Variants in ELOB observed in about 807,000 individuals in gnomAD.
The protein encoded by ELOB is elongin B.
In ELOB, 3 loss-of-function variants were observed where a neutral mutation model predicts 12.9. That is an observed-to-expected ratio of 0.23 (90% CI 0.11 to 0.60). The LOEUF is 0.60. Ranked by LOEUF, ELOB falls within the 20% of genes least tolerant of loss-of-function variation. The probability of loss-of-function intolerance (pLI) is 0.89; values close to 1 mark genes in which losing one functional copy is unlikely to be tolerated. For synonymous variants in ELOB, 84 were observed against 67.4 expected (o/e 1.25, Z -1.21); for missense variants, 126 against 159.2 (o/e 0.79, Z 1.12).
chr16:2,773,921 C>G (rs2068784097), intron 3 of ELOB, among the ~76,000 whole-genome samples: 1 of 152,310 alleles, frequency 6.6e-6, no homozygotes, highest in Non-Finnish European at 1.5e-5. Context: ...TTGGCACTCC[C>G]TTGCTCTCTT....
Position 2,771,717 on chromosome 16 carries a change from G to A in ELOB, c.*273C>T. On this transcript the variant is annotated 3_prime_UTR_variant, in exon 4 of 4. Coordinates refer to ENST00000409906, the MANE Select transcript of ELOB (RefSeq NM_007108.4). The stretch of plus-strand genomic sequence containing the variant: ...CCAGTCCTTCCCTTTCCTCCCCCTG[G>A]CGTGGTTGGTGTGGCTGGCTAGCTG... The A allele has an allele frequency of 1.3e-6, 2 of 1,557,732 alleles. No homozygotes were observed. The highest frequency in any genetic ancestry group is 2.2e-5 in the East Asian group (1 of 44,460).
At chr16:2,774,211 C>T (rs34213102) in intron 3 of ELOB, among the ~76,000 whole-genome samples, 3 of 152,072 alleles carry the variant, frequency 2.0e-5, no homozygotes, top group Non-Finnish European at 2.9e-5. Context: ...GCCTAGACAA[C>T]GGAGTGCGAC....
At chr16:2,773,743 A>G (rs2068782976) in intron 3 of ELOB, among the ~76,000 whole-genome samples, 1 of 152,186 alleles carries the variant, frequency 6.6e-6, no homozygotes, top group African/African-American at 2.4e-5. Flanking sequence ...TGTGGGAGAA[A>G]AACAAGTCAC....
chr16:2,772,313 G>A (rs997036500), intron 3 of ELOB: 2 of 456,898 alleles, frequency 4.4e-6, no homozygotes, highest in Admixed American at 4.3e-5. Flanking sequence ...CCAACCTGAA[G>A]GTCCCCAGCC....
chr16:2,771,730 G>A lies in ELOB; in HGVS notation c.*260C>T, dbSNP rs767417014. 1.0e-5 allele frequency: 16 copies of A among 1,538,254 alleles called. No individual in the cohort carries two copies. Among genetic ancestry groups the A allele is most frequent in the Admixed American group, 9.6e-5 (5 of 52,032 alleles). On this transcript the variant is annotated 3_prime_UTR_variant, in exon 4 of 4. Transcript: ENST00000409906. Reference sequence around the variant, plus strand: ...TTCCTCCCCCTGGCGTGGTTGGTGTGGCTGGCTAGCTGCTAACAATGGCTT... The same window carrying A: ...TTCCTCCCCCTGGCGTGGTTGGTGTAGCTGGCTAGCTGCTAACAATGGCTT...
chr16:2,774,566 TA>T lies in ELOB; in HGVS notation c.244+884del, dbSNP rs2068788340. On this transcript the variant is annotated intron_variant, in intron 3 of 3. Coordinates refer to ENST00000409906, the MANE Select transcript of ELOB (RefSeq NM_007108.4). ...GAACGGAAAGGTGGAGCTAGGACTC[TA>T]CTCTTCCTCTTCAGCCTTTGCTATG... Among the ~76,000 whole-genome samples the T allele has an allele frequency of 2.6e-5, 4 of 152,380 alleles. No homozygotes were observed. The South Asian group carries it at 8.3e-4, about 32-fold the overall frequency.
intron 3 of ELOB, chr16:2,772,674 A>ACTC (rs954739954): frequency 6.2e-4 from 93 of 150,600 alleles, no homozygotes; most frequent in African/African-American, 2.3e-3. Flanking sequence ...GCGCCACTGC[A>ACTC]CTCCAACCTG....
At chr16:2,774,010 G>A (rs1479079109) in intron 3 of ELOB, among the ~76,000 whole-genome samples, 1 of 152,138 alleles carries the variant, frequency 6.6e-6, no homozygotes, top group Non-Finnish European at 1.5e-5. Context: ...TGTATGGATC[G>A]CCTGAGGTCA....
chr16:2,775,320 G>A, intron 3 of ELOB, 131 bp downstream of exon 3: 1 of 531,594 alleles, frequency 1.9e-6, no homozygotes, highest in South Asian at 3.2e-5. Flanking sequence ...AAAGGATATT[G>A]CCAGCCCTTT....
intron 2 of ELOB, among the ~76,000 whole-genome samples, chr16:2,776,067 C>T (rs1469201583): frequency 2.0e-5 from 3 of 152,138 alleles, no homozygotes; most frequent in Non-Finnish European, 4.4e-5. Flanking sequence ...GTAGTTGAGC[C>T]TTTTGATGCA....
intron 3 of ELOB, among the ~76,000 whole-genome samples, chr16:2,774,388 G>A (rs937802060): frequency 1.1e-4 from 16 of 152,210 alleles, no homozygotes; most frequent in Admixed American, 3.9e-4. Flanking sequence ...GCCAGACCTG[G>A]GGTGCATGAG....
Position 2,777,155 on chromosome 16 carries a change from G to A in ELOB, c.4-28C>T, listed in dbSNP as rs768728714. On this transcript the variant is annotated intron_variant, in intron 1 of 3. Coordinates refer to ENST00000409906, the MANE Select transcript of ELOB (RefSeq NM_007108.4). ...GGGGGCGGCGGGCCGGCGTGAGCAC[G>A]AAGCCCGGGCCCCCCGCGCGGCCCA... is the stretch of plus-strand genomic sequence containing the variant. The A allele has an allele frequency of 1.7e-4, 237 of 1,389,214 alleles. 2 individuals carry two copies. The East Asian group carries it at 8.1e-3, about 47-fold the overall frequency. 86.1% of individuals were successfully genotyped at this position (1,389,214 alleles called of 1,614,324 possible).
chr16:2,774,461 TGGGGCCAGG>T (rs1446698370), intron 3 of ELOB, among the ~76,000 whole-genome samples: 1 of 152,192 alleles, frequency 6.6e-6, no homozygotes, highest in African/African-American at 2.4e-5. Context: ...AAGGGAACAC[TGGGGCCAGG>T]AGGGGCAGGA....
intron 3 of ELOB, among the ~76,000 whole-genome samples, chr16:2,774,025 A>T (rs3094784): frequency 0.8 from 121,059 of 152,130 alleles, 48,687 homozygotes; most frequent in Admixed American, 0.85. Flanking sequence ...AGGTCAGGAG[A>T]TTGAGACCAG....
At chr16:2,772,829 C>T (rs1379081032) in intron 3 of ELOB, among the ~76,000 whole-genome samples, 1 of 139,060 alleles carries the variant, frequency 7.2e-6, no homozygotes, top group Non-Finnish European at 1.6e-5. Flanking sequence ...CTGCTTCCCA[C>T]GCTCTGAGGC....
Position 2,771,800 on chromosome 16 carries a change from G to A in ELOB, c.*190C>T, listed in dbSNP as rs1233123652. Reference sequence around the variant, plus strand: ...GTCCCCATGGTGCCTTTAAGCAGCAGGCTGGGCCAAGTTCTCAGCCAGGGT... The same window carrying A: ...GTCCCCATGGTGCCTTTAAGCAGCAAGCTGGGCCAAGTTCTCAGCCAGGGT... On this transcript the variant is annotated 3_prime_UTR_variant, in exon 4 of 4. Transcript: ENST00000409906. 3 of 1,453,630 alleles carry A rather than the reference G, an allele frequency of 2.1e-6. No homozygotes were observed. The highest frequency in any genetic ancestry group is 2.7e-6 in the Non-Finnish European group (3 of 1,107,712). The allele number at this position is 1,453,630 out of a possible 1,614,324, so 90.0% of individuals were successfully genotyped here. A position where few individuals can be genotyped will look rare whatever the true frequency, so the allele number is the denominator to read the frequency against.
In ELOB at chr16:2,771,596, A is replaced by C; in HGVS notation, c.*394T>G. On this transcript the variant is annotated 3_prime_UTR_variant, in exon 4 of 4. Coordinates refer to ENST00000409906, the MANE Select transcript of ELOB (RefSeq NM_007108.4). The stretch of plus-strand genomic sequence containing the variant: ...GCTCTTGGCCATCGTCTGGGAGTGG[A>C]CATGCAGGCTATGGGGGTGGGGGGC... 2 of 1,614,006 alleles carry C rather than the reference A, an allele frequency of 1.2e-6. No individual in the cohort carries two copies. Among genetic ancestry groups the C allele is most frequent in the Non-Finnish European group, 1.7e-6 (2 of 1,179,980 alleles).
At chr16:2,774,032 C>A (rs926690695) in intron 3 of ELOB, among the ~76,000 whole-genome samples, 15 of 152,160 alleles carry the variant, frequency 9.9e-5, no homozygotes, top group African/African-American at 3.6e-4. Flanking sequence ...GAGATTGAGA[C>A]CAGCCTGACT....
chr16:2,776,558 ACT>A (rs1169814193), intron 2 of ELOB, among the ~76,000 whole-genome samples: 1 of 152,192 alleles, frequency 6.6e-6, no homozygotes, highest in Non-Finnish European at 1.5e-5. Flanking sequence ...CTTTGCATTC[ACT>A]GAGTTCCCCA....
Sources: gnomAD v4.1 joint callset for allele counts (sites outside exome capture counted in the v4.1 genomes callset) on GRCh38, gnomAD v4.1.1 for gene constraint, MANE v1.5 for transcripts, NCBI Gene and HGNC (gene_info 2026-07-23, HGNC 2026-07-21) for gene names.